Variants in OR10J1 observed in about 807,000 individuals in gnomAD.
The protein encoded by OR10J1 is olfactory receptor family 10 subfamily J member 1.
For missense variants in OR10J1, 474 were observed against 376.6 expected (o/e 1.26, Z -2.14); for synonymous variants, 202 against 143.8 (o/e 1.40, Z -2.89).
At chr1:159,430,854 T>C in the OR10J1 span, among the ~76,000 whole-genome samples, 1 of 152,266 alleles carries the variant, frequency 6.6e-6, no homozygotes, top group East Asian at 1.9e-4. Flanking sequence ...ATAGTGACAC[T>C]ATGAAGTAGA....
chr1:159,411,073 A>T, the OR10J1 span, among the ~76,000 whole-genome samples: 1 of 152,114 alleles, frequency 6.6e-6, no homozygotes, highest in African/African-American at 2.4e-5. Context: ...ACAGTTTGTT[A>T]TAATTTCTGT....
At chr1:159,406,055 A>T in the OR10J1 span, 1 of 425,414 alleles carries the variant, frequency 2.4e-6, no homozygotes, top group South Asian at 2.0e-5. Flanking sequence ...CAAAAGTCAC[A>T]TAGAAGAGCT....
chr1:159,432,904 CA>C (rs764683950), upstream of OR10J1: 39 of 425,124 alleles, frequency 9.2e-5, no homozygotes, highest in Non-Finnish European at 2.5e-5. Flanking sequence ...CAGCTGAGGG[CA>C]GGAGAAAGGC....
At chr1:159,397,725 A>T in the OR10J1 span, among the ~76,000 whole-genome samples, 2 of 152,190 alleles carry the variant, frequency 1.3e-5, no homozygotes, top group Non-Finnish European at 2.9e-5. Flanking sequence ...GTGCCAGCTC[A>T]GCTGCAATAT....
the OR10J1 span, among the ~76,000 whole-genome samples, chr1:159,417,122 T>C: frequency 2.0e-5 from 3 of 152,162 alleles, no homozygotes; most frequent in Non-Finnish European, 4.4e-5. Flanking sequence ...ATTTGTTTTG[T>C]TCTTGTTTTT....
rs1164925107 is a variant in OR10J1, at chr1:159,439,802, AG to A, written c.12del (p.Asn5ThrfsTer33). 1.2e-6 allele frequency: 2 copies of A among 1,613,954 alleles called. No homozygotes were observed. Among genetic ancestry groups the A allele is most frequent in the African/African-American group, 2.7e-5 (2 of 74,930 alleles). On this transcript the variant is annotated frameshift_variant, in exon 1 of 1. Coordinates refer to ENST00000423932, the MANE Select transcript of OR10J1 (RefSeq NM_012351.3). LOFTEE classifies it low-confidence loss of function (END_TRUNC). ...TTTGGGAACCAATCCATGAAAAGAG[AG>A]AACTTTACTCTCATCACTGACTTTG... MKRENFTLITDFVF... is the reference protein window; with the variant it reads MKRXNFTLITDFVF...
Position 159,440,643 on chromosome 1 carries a change from G to A in OR10J1, c.852G>A (p.Leu284=). Residue 284 remains leucine, a synonymous_variant, in exon 1 of 1, where the codon CTG becomes CTA. Transcript: ENST00000423932. ...CCTACACTGTCATCACTCCCCTACT[G>A]AACCCTGTGGTATACACCCTGAGAA... is the stretch of plus-strand genomic sequence containing the variant. ...SVTYTVITPL[L]NPVVYTLRNK... 1 of 1,613,788 alleles carries A rather than the reference G, an allele frequency of 6.2e-7. No individual in the cohort carries two copies. The highest frequency in any genetic ancestry group is 8.5e-7 in the Non-Finnish European group (1 of 1,179,962).
chr1:159,403,087 C>G, the OR10J1 span, among the ~76,000 whole-genome samples: 1 of 152,052 alleles, frequency 6.6e-6, no homozygotes, highest in Non-Finnish European at 1.5e-5. Context: ...ACCCCTATCT[C>G]TCACCATGCA....
the OR10J1 span, chr1:159,405,597 G>T: frequency 2.5e-6 from 1 of 404,654 alleles, no homozygotes. Context: ...TAAGCTTCAG[G>T]TAGATGATGG....
chr1:159,409,381 T>C, the OR10J1 span, among the ~76,000 whole-genome samples: 16 of 152,108 alleles, frequency 1.1e-4, no homozygotes, highest in Non-Finnish European at 2.4e-4. Flanking sequence ...GCCTGTATAC[T>C]TAGGAATAGC....
chr1:159,433,003 T>C (rs747750575), upstream of OR10J1: 5 of 437,974 alleles, frequency 1.1e-5, no homozygotes, highest in South Asian at 3.4e-4. Context: ...AATCCCAAAA[T>C]TCCCTGCAGG....
upstream of OR10J1, among the ~76,000 whole-genome samples, chr1:159,437,079 G>A (rs572687145): frequency 1.3e-5 from 2 of 152,168 alleles, no homozygotes; most frequent in Non-Finnish European, 2.9e-5. Flanking sequence ...TTTTAAAGAA[G>A]TAGTAAACAA....
the OR10J1 span, among the ~76,000 whole-genome samples, chr1:159,407,965 G>C: frequency 1.3e-5 from 2 of 152,112 alleles, no homozygotes; most frequent in Non-Finnish European, 2.9e-5. Context: ...TGCTATGATA[G>C]AGCTTAGTGT....
At chr1:159,426,698 A>G in the OR10J1 span, among the ~76,000 whole-genome samples, 1 of 151,884 alleles carries the variant, frequency 6.6e-6, no homozygotes, top group African/African-American at 2.4e-5. Flanking sequence ...CATAAAGAGA[A>G]TGTTCACTCT....
chr1:159,399,333 A>G, the OR10J1 span, among the ~76,000 whole-genome samples: 1 of 152,142 alleles, frequency 6.6e-6, no homozygotes, highest in Non-Finnish European at 1.5e-5. Context: ...GCACTTTGGG[A>G]GGCTGAGGCG....
At position 159,440,639 on chromosome 1, in the gene OR10J1, T is replaced by C. The variant is rs1655918293; in HGVS notation, c.848T>C (p.Leu283Pro). 3 of 1,613,752 alleles carry C rather than the reference T, an allele frequency of 1.9e-6. No homozygotes were observed. Among genetic ancestry groups the C allele is most frequent in the Non-Finnish European group, 1.7e-6 (2 of 1,179,980 alleles). Reference protein sequence around the residue: ...ISVTYTVITPLLNPVVYTLRN... With the variant: ...ISVTYTVITPPLNPVVYTLRN... ...GTGACCTACACTGTCATCACTCCCC[T>C]ACTGAACCCTGTGGTATACACCCTG... Residue 283 changes from leucine to proline, a missense_variant, in exon 1 of 1, where the codon CTA (leucine) becomes CCA (proline). Leu to Pro is a moderately conservative substitution (Grantham distance 98, BLOSUM62 -3). Transcript: ENST00000423932.
At chr1:159,407,793 C>T in the OR10J1 span, among the ~76,000 whole-genome samples, 1 of 152,068 alleles carries the variant, frequency 6.6e-6, no homozygotes, top group East Asian at 1.9e-4. Context: ...TATTCCCATA[C>T]TATGTGTCAA....
In OR10J1 at chr1:159,440,956, G is replaced by T. The variant is rs955934850; in HGVS notation, c.*235G>T. On this transcript the variant is annotated 3_prime_UTR_variant, in exon 1 of 1. Transcript: ENST00000423932. ...AAGGATAAGATATGCCTAAATAAAA[G>T]GCCAGAAAGTAGTATGGGCTGAGAA... is the stretch of plus-strand genomic sequence containing the variant. The T allele has an allele frequency of 2.4e-5, 10 of 423,574 alleles. No homozygotes were observed. The highest frequency in any genetic ancestry group is 3.7e-5 in the Non-Finnish European group (9 of 242,632). The allele number at this position is 423,574 out of a possible 1,614,324, so 26.2% of individuals were successfully genotyped here. A position where few individuals can be genotyped will look rare whatever the true frequency, so the allele number is the denominator to read the frequency against.
chr1:159,400,574 C>T, the OR10J1 span, among the ~76,000 whole-genome samples: 53,872 of 148,830 alleles, frequency 0.36, 10,158 homozygotes, highest in African/African-American at 0.47. Context: ...ATATTTATTA[C>T]ATAAAATTTA....
Sources: allele counts gnomAD v4.1 joint callset (sites outside exome capture counted in the v4.1 genomes callset), GRCh38; gene constraint gnomAD v4.1.1; transcripts MANE v1.5; gene names NCBI Gene and HGNC (gene_info 2026-07-23, HGNC 2026-07-21).